The following BPNT2 variants were observed in gnomAD, a reference collection of about 807,000 sequenced individuals.
The protein encoded by BPNT2 is Golgi-resident adenosine 3',5'-bisphosphate 3'-phosphatase.
In BPNT2, 11 loss-of-function variants were observed where a neutral mutation model predicts 29.3. The observed-to-expected ratio is 0.38, with a 90% CI of 0.24 to 0.62. BPNT2 has a LOEUF of 0.62. Ranked by LOEUF, BPNT2 falls within the 20% of genes least tolerant of loss-of-function variation. The pLI, the probability that BPNT2 is intolerant of heterozygous loss-of-function variation, is 0.62. For missense variants in BPNT2, 459 were observed against 473.4 expected (o/e 0.97, Z 0.28); for synonymous variants, 195 against 187.7 (o/e 1.04, Z -0.32).
Position 56,960,541 on chromosome 8 carries a change from C to G in BPNT2, c.*3252G>C, listed in dbSNP as rs1333726774. ...TTCATTATATAGTATAAACAATCAA[C>G]TGAATAATTACTGATTTAAAATAAA... On this transcript the variant is annotated 3_prime_UTR_variant, in exon 5 of 5. Coordinates refer to ENST00000262644, the MANE Select transcript of BPNT2 (RefSeq NM_017813.5). The G allele has an allele frequency of 6.6e-6, 1 of 152,288 alleles. No individual in the cohort carries two copies. The highest frequency in any genetic ancestry group is 1.9e-4 in the East Asian group (1 of 5,186). The allele number at this position is 152,288 out of a possible 1,614,324, so 9.4% of individuals were successfully genotyped here.
Position 56,963,504 on chromosome 8 carries a change from G to T in BPNT2, c.*289C>A. On this transcript the variant is annotated 3_prime_UTR_variant, in exon 5 of 5. Coordinates refer to ENST00000262644, the MANE Select transcript of BPNT2 (RefSeq NM_017813.5). ...TGTGAAAATGGTGACTCATAACAAT[G>T]TAGACTCAGCTACAGATTTTAATTC... 2 of 369,426 alleles carry T rather than the reference G, an allele frequency of 5.4e-6. No individual in the cohort carries two copies. Among genetic ancestry groups the T allele is most frequent in the Non-Finnish European group, 9.9e-6 (2 of 201,964 alleles). 22.9% of individuals were successfully genotyped at this position (369,426 alleles called of 1,614,324 possible). A position where few individuals can be genotyped will look rare whatever the true frequency, so the allele number is the denominator to read the frequency against.
chr8:56,981,831 C>T (rs548136363), intron 1 of BPNT2, among the ~76,000 whole-genome samples: 115 of 152,122 alleles, frequency 7.6e-4, no homozygotes, highest in Non-Finnish European at 1.2e-3. Context: ...GGGTCCTGTG[C>T]TTTCTGACAA....
rs1030137548 is a variant in BPNT2 at position 56,963,603 on chromosome 8, C to A, written c.*190G>T. 5 of 605,288 alleles carry A rather than the reference C, an allele frequency of 8.3e-6. No individual in the cohort carries two copies. The African/African-American group carries it at 9.2e-5, about 11-fold the overall frequency. The allele number at this position is 605,288 out of a possible 1,614,324, so 37.5% of individuals were successfully genotyped here. A position where few individuals can be genotyped will look rare whatever the true frequency, so the allele number is the denominator to read the frequency against. On this transcript the variant is annotated 3_prime_UTR_variant, in exon 5 of 5. Coordinates refer to ENST00000262644, the MANE Select transcript of BPNT2 (RefSeq NM_017813.5). ...TCAAAAATAAAGACAATACTTGAGA[C>A]ACAAAGCAACCCATTTTCCCTGATT...
intron 1 of BPNT2, among the ~76,000 whole-genome samples, chr8:56,990,252 G>A (rs1003791755): frequency 1.3e-5 from 2 of 152,172 alleles, no homozygotes; most frequent in African/African-American, 4.8e-5. Flanking sequence ...TTGAGGACAG[G>A]AGCCCCTCAA....
At chr8:56,979,496 T>C (rs187878643) in intron 2 of BPNT2, among the ~76,000 whole-genome samples, 46 of 152,302 alleles carry the variant, frequency 3.0e-4, no homozygotes, top group African/African-American at 1.0e-3. Context: ...TATGTATTGA[T>C]TGTTATGGTT....
At chr8:56,966,449 T>A in intron 3 of BPNT2, 97 bp from the exon 4 acceptor site, 1 of 1,029,416 alleles carries the variant, frequency 9.7e-7, no homozygotes, top group Non-Finnish European at 1.5e-6. Context: ...ACTGACAAAA[T>A]AGCTCTCTTC....
chr8:56,985,241 T>C (rs910688773), intron 1 of BPNT2, among the ~76,000 whole-genome samples: 4 of 152,078 alleles, frequency 2.6e-5, no homozygotes, highest in South Asian at 2.1e-4. Flanking sequence ...TCCATCCCCA[T>C]TGTCTAAACC....
intron 1 of BPNT2, among the ~76,000 whole-genome samples, chr8:56,991,805 T>C (rs943051891): frequency 1.3e-5 from 2 of 152,194 alleles, no homozygotes; most frequent in African/African-American, 4.8e-5. Flanking sequence ...CTCTATAAAT[T>C]CTTGGGGAAG....
Position 56,966,334 on chromosome 8 carries a change from C to T in BPNT2, c.665G>A (p.Gly222Asp). Residue 222 changes from glycine to aspartate, a missense_variant, in exon 4 of 5, where the codon GGT becomes GAT. Gly to Asp is a moderately conservative substitution (Grantham distance 94). Coordinates refer to ENST00000262644, the MANE Select transcript of BPNT2 (RefSeq NM_017813.5). ...SEYTAWAMVDGGSNVKARSSY... is the reference protein window; with the variant it reads ...SEYTAWAMVDDGSNVKARSSY... ...AGAGCGGGCTTTCACATTTGAACCA[C>T]CATCTACCATTGCCCAAGCTGAAAA... 3 of 1,613,850 alleles carry T rather than the reference C, an allele frequency of 1.9e-6. No individual in the cohort carries two copies. The highest frequency in any genetic ancestry group is 2.5e-6 in the Non-Finnish European group (3 of 1,179,818).
chr8:56,973,073 C>G (rs952740695), intron 3 of BPNT2, among the ~76,000 whole-genome samples: 5 of 152,120 alleles, frequency 3.3e-5, no homozygotes, highest in African/African-American at 1.2e-4. Flanking sequence ...CTGACTACAA[C>G]AAGAAGGCCT....
rs779936954 is a variant in BPNT2 at position 56,978,149 on chromosome 8, T to C, written c.551-4A>G. 2 of 1,583,220 alleles carry C rather than the reference T, an allele frequency of 1.3e-6. No individual in the cohort carries two copies. Among genetic ancestry groups the C allele is most frequent in the East Asian group, 2.2e-5 (1 of 44,694 alleles). On this transcript the variant is annotated splice_region_variant and splice_polypyrimidine_tract_variant and intron_variant, in intron 2 of 4. Transcript: ENST00000262644. ...GTGACGTACTTTCGAAGATCCTCTA[T>C]GAGAAAAAAAACAAAACAACACACA...
At chr8:56,987,493 TCTC>T in intron 1 of BPNT2, among the ~76,000 whole-genome samples, 1 of 152,210 alleles carries the variant, frequency 6.6e-6, no homozygotes, top group South Asian at 2.1e-4. Flanking sequence ...ACATCAGTCT[TCTC>T]CTGCCCTCCA....
At chr8:56,964,433 G>C (rs1805905814) in intron 4 of BPNT2, 1 of 195,542 alleles carries the variant, frequency 5.1e-6, no homozygotes, top group Non-Finnish European at 1.1e-5. Flanking sequence ...TGAGTAGCTG[G>C]GATTACAGGT....
Position 56,964,073 on chromosome 8 carries a change from T to C in BPNT2, c.809-9A>G. On this transcript the variant is annotated splice_polypyrimidine_tract_variant and intron_variant, in intron 4 of 4. Coordinates refer to ENST00000262644, the MANE Select transcript of BPNT2 (RefSeq NM_017813.5). ...TGCTAAAACTTTATAACCTAAAAGA[T>C]AAACAAAGAATTTAGGTTATTATTC... 3.2e-6 allele frequency: 5 copies of C among 1,562,658 alleles called. No individual in the cohort carries two copies. Among genetic ancestry groups the C allele is most frequent in the Non-Finnish European group, 4.4e-6 (5 of 1,148,206 alleles).
At chr8:56,989,024 A>C (rs745744080) in intron 1 of BPNT2, among the ~76,000 whole-genome samples, 5 of 152,064 alleles carry the variant, frequency 3.3e-5, no homozygotes, top group African/African-American at 1.2e-4. Context: ...CTCCCCTCCA[A>C]ACCATCCTCC....
intron 1 of BPNT2, among the ~76,000 whole-genome samples, chr8:56,981,177 G>A (rs139520669): frequency 0.024 from 3,722 of 152,206 alleles, 77 homozygotes; most frequent in Non-Finnish European, 0.037. Flanking sequence ...ATTGTCAAGT[G>A]CGCCCCTGTC....
intron 4 of BPNT2, among the ~76,000 whole-genome samples, chr8:56,965,326 G>GA (rs1211968470): frequency 6.6e-6 from 1 of 151,944 alleles, no homozygotes; most frequent in Non-Finnish European, 1.5e-5. Flanking sequence ...CTCAAAAAAA[G>GA]AAAAAACAAA....
At chr8:56,972,372 T>G in intron 3 of BPNT2, among the ~76,000 whole-genome samples, 1 of 150,206 alleles carries the variant, frequency 6.7e-6, no homozygotes, top group Non-Finnish European at 1.5e-5. Flanking sequence ...CAGATTGAGG[T>G]CTGTAACTGT....
At chr8:56,971,107 A>G (rs1806023504) in intron 3 of BPNT2, among the ~76,000 whole-genome samples, 1 of 152,148 alleles carries the variant, frequency 6.6e-6, no homozygotes, top group African/African-American at 2.4e-5. Context: ...CATGTTACAT[A>G]AACTCAATAC....
Sources: allele counts gnomAD v4.1 joint callset (sites outside exome capture counted in the v4.1 genomes callset), GRCh38; gene constraint gnomAD v4.1.1; transcripts MANE v1.5; gene names NCBI Gene and HGNC (gene_info 2026-07-23, HGNC 2026-07-21).